OSBPL10: variants seen among roughly 807,000 people sequenced by gnomAD.
The protein encoded by OSBPL10 is oxysterol binding protein like 10, also known as oxysterol-binding protein-related protein 10.
A neutral mutation model predicts 81.7 loss-of-function variants in OSBPL10; 49 were observed. The observed-to-expected ratio is 0.60, with a 90% CI of 0.48 to 0.76. The LOEUF (loss-of-function observed/expected upper bound fraction) is 0.76. Among genes scored for constraint, OSBPL10 ranks in the 30% least tolerant of loss-of-function variants. The pLI, the probability that OSBPL10 is intolerant of heterozygous loss-of-function variation, is 0.00. For synonymous variants in OSBPL10, 419 were observed against 383.6 expected, an observed-to-expected ratio of 1.09 and a Z score of -1.08; for missense variants, 923 against 987.8, an observed-to-expected ratio of 0.93 and a Z score of 0.88.
intron 5 of OSBPL10, among the ~76,000 whole-genome samples, chr3:31,740,793 AAAG>A (rs1054297138): frequency 3.4e-5 from 5 of 148,902 alleles, no homozygotes; most frequent in African/African-American, 1.3e-4. Flanking sequence ...AAAAAGAAAA[AAAG>A]AAAGAAAGAA....
intron 7 of OSBPL10, 74 bp downstream of exon 7, chr3:31,702,285 T>C (rs1695919548): frequency 6.6e-7 from 1 of 1,521,298 alleles, no homozygotes; most frequent in Non-Finnish European, 9.0e-7. Context: ...GAAAAGAATG[T>C]GCATAGAGAA....
At position 31,666,004 on chromosome 3, in the gene OSBPL10, A is replaced by C. The variant is rs1402448491; in HGVS notation, c.2097-1772T>G. 2.0e-5 allele frequency among the ~76,000 whole-genome samples: 3 copies of C among 152,168 alleles called. No homozygotes were observed. The East Asian group carries it at 5.8e-4, about 29-fold the overall frequency. On this transcript the variant is annotated intron_variant, in intron 10 of 11. Coordinates refer to ENST00000396556, the MANE Select transcript of OSBPL10 (RefSeq NM_017784.5). ...CCAACCAGGAGAGTCACTTGAGAGC[A>C]GGGAGGAGAATGGAGTGGAGGAGGC... is the stretch of plus-strand genomic sequence containing the variant.
At chr3:31,690,745 C>T (rs1414937957) in intron 7 of OSBPL10, among the ~76,000 whole-genome samples, 1 of 152,170 alleles carries the variant, frequency 6.6e-6, no homozygotes, top group African/African-American at 2.4e-5. Flanking sequence ...AGCAGAATTA[C>T]TATTTCCTCT....
chr3:31,807,389 A>ATAAG (rs1253972781), intron 4 of OSBPL10, among the ~76,000 whole-genome samples: 1 of 130,666 alleles, frequency 7.7e-6, no homozygotes, highest in Non-Finnish European at 1.7e-5. Flanking sequence ...AAATAAATAA[A>ATAAG]TAAATAAATA....
chr3:31,839,716 G>T (rs1215293199), intron 3 of OSBPL10, among the ~76,000 whole-genome samples: 1 of 151,730 alleles, frequency 6.6e-6, no homozygotes, highest in East Asian at 2.0e-4. Context: ...GAGCAAGATG[G>T]ACAGTGTGGC....
chr3:31,929,581 A>G (rs1697175797), intron 1 of OSBPL10, among the ~76,000 whole-genome samples: 1 of 151,802 alleles, frequency 6.6e-6, no homozygotes, highest in South Asian at 2.1e-4. Context: ...CCCCATCTCT[A>G]CTAAAAATAC....
chr3:32,030,015 A>T (rs1167500905), intron 2 of OSBPL10, among the ~76,000 whole-genome samples: 3 of 152,248 alleles, frequency 2.0e-5, no homozygotes, highest in Non-Finnish European at 4.4e-5. Context: ...AGTTTCAAAC[A>T]TGACTCTATT....
intron 4 of OSBPL10, among the ~76,000 whole-genome samples, chr3:31,774,692 T>C (rs1017420301): frequency 1.3e-5 from 2 of 151,540 alleles, no homozygotes; most frequent in African/African-American, 4.8e-5. Flanking sequence ...TTTGTATTTT[T>C]AGTAGAGACA....
rs140983594 is a variant in OSBPL10 at position 32,000,319 on chromosome 3, C to T, written n.298+46172G>A. ...TCAGAGTTATATTCGGCTTATAATA[C>T]GGGCTCAAAGACCAAAGGTCCATTC... On this transcript the variant is annotated intron_variant and non_coding_transcript_variant, in intron 2 of 3. Coordinates refer to the OSBPL10 transcript ENST00000479173. Among the ~76,000 whole-genome samples the T allele has an allele frequency of 3.6e-3, 555 of 152,210 alleles. 2 individuals are homozygous for T. Among genetic ancestry groups the T allele is most frequent in the South Asian group, 0.019 (90 of 4,818 alleles).
chr3:31,924,501 G>T (rs1183620787), intron 1 of OSBPL10, among the ~76,000 whole-genome samples: 1 of 152,064 alleles, frequency 6.6e-6, no homozygotes, highest in East Asian at 1.9e-4. Flanking sequence ...TAAAATCCTG[G>T]ATAACAAAAT....
At chr3:31,794,121 T>G (rs1055175850) in intron 4 of OSBPL10, among the ~76,000 whole-genome samples, 1 of 152,130 alleles carries the variant, frequency 6.6e-6, no homozygotes, top group Admixed American at 6.6e-5. Flanking sequence ...CACCTGCAGC[T>G]CCCGACCCCA....
chr3:31,709,539 A>C (rs571949827), intron 6 of OSBPL10, among the ~76,000 whole-genome samples: 1 of 152,218 alleles, frequency 6.6e-6, no homozygotes, highest in African/African-American at 2.4e-5. Context: ...TAATTTCTAC[A>C]TTTCTGATTA....
chr3:31,863,951 A>T, intron 3 of OSBPL10, among the ~76,000 whole-genome samples: 1 of 152,208 alleles, frequency 6.6e-6, no homozygotes, highest in East Asian at 1.9e-4. Flanking sequence ...TACTACTAAC[A>T]GGTAAAGGAG....
chr3:32,031,932 T>C (rs922423435), intron 2 of OSBPL10, among the ~76,000 whole-genome samples: 3 of 152,204 alleles, frequency 2.0e-5, no homozygotes, highest in African/African-American at 7.2e-5. Flanking sequence ...TCTTAGAATA[T>C]TTCGGAATTA....
chr3:31,771,310 C>G (rs958982706), intron 4 of OSBPL10, among the ~76,000 whole-genome samples: 10 of 152,094 alleles, frequency 6.6e-5, no homozygotes, highest in African/African-American at 2.2e-4. Flanking sequence ...TAACTAACAG[C>G]TGAACAGGCA....
chr3:31,747,828 G>T, intron 5 of OSBPL10, 82 bp downstream of exon 5: 1 of 1,371,486 alleles, frequency 7.3e-7, no homozygotes. Context: ...AGAAATGGAT[G>T]GAATTAAAGG....
chr3:31,844,669 G>A (rs1280392768), intron 3 of OSBPL10, among the ~76,000 whole-genome samples: 4 of 152,222 alleles, frequency 2.6e-5, no homozygotes, highest in Non-Finnish European at 5.9e-5. Flanking sequence ...AACTGCAAAT[G>A]GGCACAGGGT....
At chr3:31,951,690 AAACT>A (rs1406705545) in intron 1 of OSBPL10, among the ~76,000 whole-genome samples, 29 of 150,838 alleles carry the variant, frequency 1.9e-4, no homozygotes, top group Non-Finnish European at 4.4e-5. Flanking sequence ...ATAAAAATAG[AAACT>A]AATATATAAA....
chr3:32,041,843 G>A (rs1458037324), intron 2 of OSBPL10, among the ~76,000 whole-genome samples: 3 of 152,176 alleles, frequency 2.0e-5, no homozygotes, highest in South Asian at 4.2e-4. Flanking sequence ...ATTTTTAGTA[G>A]AGACGGGTGT....
Sources: gnomAD v4.1 joint callset for allele counts (sites outside exome capture counted in the v4.1 genomes callset) on GRCh38, gnomAD v4.1.1 for gene constraint, MANE v1.5 for transcripts, NCBI Gene and HGNC (gene_info 2026-07-23, HGNC 2026-07-21) for gene names.